The following ARL13B variants were observed in gnomAD, a reference collection of about 807,000 sequenced individuals.
ARL13B encodes ARF like GTPase 13B.
In ARL13B, 36 loss-of-function variants were observed where a neutral mutation model predicts 56.1. The ratio of observed to expected loss-of-function variants is 0.64; its 90% CI spans 0.49 to 0.85. The LOEUF (loss-of-function observed/expected upper bound fraction) is 0.85. Ranked by LOEUF, ARL13B falls within the 40% of genes least tolerant of loss-of-function variation. The pLI is 0.00. For missense variants in ARL13B, 519 were observed against 507.1 expected (o/e 1.02, Z -0.23); for synonymous variants, 178 against 171.1 (o/e 1.04, Z -0.32).
intron 3 of ARL13B, among the ~76,000 whole-genome samples, chr3:94,005,447 C>T (rs563868754): frequency 1.6e-4 from 25 of 152,222 alleles, no homozygotes; most frequent in African/African-American, 5.1e-4. Context: ...TCTGTGGAAA[C>T]GGCTCAAAGT....
chr3:94,014,532 G>A (rs762515612), intron 3 of ARL13B: 4 of 1,612,598 alleles, frequency 2.5e-6, no homozygotes, highest in Non-Finnish European at 3.4e-6. Context: ...TATTGTTGAT[G>A]CTCTCTCCTT....
intron 7 of ARL13B, among the ~76,000 whole-genome samples, chr3:94,044,883 G>A (rs951678011): frequency 6.0e-5 from 9 of 148,982 alleles, no homozygotes; most frequent in African/African-American, 1.5e-4. Flanking sequence ...CCCGCCCCTC[G>A]TCGGGGAGGT....
chr3:94,010,771 A>G (rs1198976424), intron 3 of ARL13B, among the ~76,000 whole-genome samples: 1 of 152,134 alleles, frequency 6.6e-6, no homozygotes, highest in African/African-American at 2.4e-5. Context: ...CTTTAAAAGC[A>G]GTATGTTCTA....
At position 93,987,476 on chromosome 3, in the gene ARL13B, A is replaced by G. The variant is rs183752018; in HGVS notation, c.59+6994A>G. ...CGGCAGATAGCTAAAGTGATGTAAA[A>G]CAGACCTTTGGATCCCTTAATCTCT... On this transcript the variant is annotated intron_variant, in intron 1 of 9. Transcript: ENST00000394222. Among the ~76,000 whole-genome samples, 15 of 152,164 alleles carry G rather than the reference A, an allele frequency of 9.9e-5. 1 individual carries two copies. In the East Asian group the frequency reaches 2.9e-3, roughly 29 times the overall value.
chr3:94,034,332 A>T (rs1007260008), intron 3 of ARL13B, among the ~76,000 whole-genome samples: 12 of 149,930 alleles, frequency 8.0e-5, no homozygotes, highest in Non-Finnish European at 1.3e-4. Context: ...TATGTACTTA[A>T]TTTTTTTTTT....
chr3:94,018,951 C>T (rs1163296284), intron 3 of ARL13B, among the ~76,000 whole-genome samples: 5 of 150,808 alleles, frequency 3.3e-5, no homozygotes, highest in East Asian at 4.0e-4. Flanking sequence ...TTTTTATTAA[C>T]GACAGGGTTT....
intron 1 of ARL13B, among the ~76,000 whole-genome samples, chr3:93,992,821 C>G (rs558385616): frequency 5.9e-5 from 9 of 152,252 alleles, no homozygotes; most frequent in Non-Finnish European, 1.3e-4. Context: ...GAGACAGCAT[C>G]TCACTCTGTT....
chr3:94,036,409 T>A, intron 4 of ARL13B, 143 bp from the exon 5 acceptor site: 1 of 789,240 alleles, frequency 1.3e-6, no homozygotes, highest in Non-Finnish European at 2.1e-6. Context: ...CAGTGCTATG[T>A]TTTGGAAGTT....
intron 7 of ARL13B, among the ~76,000 whole-genome samples, chr3:94,043,545 C>CCCCCT (rs2076904354): frequency 0.014 from 2 of 140 alleles, no homozygotes; most frequent in African/African-American, 0.038. Context: ...CCCTCCCCCT[C>CCCCCT]CTCCCCCTCC....
intron 2 of ARL13B, chr3:93,996,564 G>A: frequency 3.1e-6 from 1 of 320,268 alleles, no homozygotes; most frequent in South Asian, 2.6e-5. Context: ...TTTTGGTAGA[G>A]ATGGGGTCTC....
intron 3 of ARL13B, among the ~76,000 whole-genome samples, chr3:94,030,912 C>T (rs1319557653): frequency 6.6e-6 from 1 of 152,170 alleles, no homozygotes; most frequent in Non-Finnish European, 1.5e-5. Context: ...CACAGTGGCT[C>T]ATGCCTGTAA....
chr3:93,989,041 G>A (rs1377659884), intron 1 of ARL13B: 9 of 244,472 alleles, frequency 3.7e-5, no homozygotes, highest in Non-Finnish European at 5.6e-5. Flanking sequence ...CACTCCTCCC[G>A]CTGCCCGAGC....
chr3:94,019,172 C>G (rs1334327835), intron 3 of ARL13B, among the ~76,000 whole-genome samples: 1 of 152,060 alleles, frequency 6.6e-6, no homozygotes, highest in Non-Finnish European at 1.5e-5. Flanking sequence ...CTTACCATCT[C>G]CCTGGTTCAA....
rs538221197 is a variant in ARL13B, at chr3:94,055,272, T to A, written c.*2009T>A. The A allele has an allele frequency of 3.4e-4, 140 of 416,012 alleles. 1 individual carries two copies. Among genetic ancestry groups the A allele is most frequent in the South Asian group, 2.1e-3 (116 of 55,202 alleles). 25.8% of individuals were successfully genotyped at this position (416,012 alleles called of 1,614,324 possible). A position where few individuals can be genotyped will look rare whatever the true frequency, so the allele number is the denominator to read the frequency against. ...ACATTTTCACACAATAAAAATAATTTATATCAATATTCTGTTTCTCTTTTC... is the reference window on the plus strand; with the variant it reads ...ACATTTTCACACAATAAAAATAATTAATATCAATATTCTGTTTCTCTTTTC... On this transcript the variant is annotated 3_prime_UTR_variant, in exon 10 of 10. Transcript: ENST00000394222.
At chr3:94,003,633 C>CT (rs781077146) in intron 2 of ARL13B, 26 bp from the exon 3 acceptor site, 4 of 1,609,230 alleles carry the variant, frequency 2.5e-6, no homozygotes, top group South Asian at 1.1e-5. Context: ...TAAAGATTTT[C>CT]TTTTTTTGTG....
chr3:94,036,469 T>C, intron 4 of ARL13B, 83 bp from the exon 5 acceptor site: 1 of 1,385,540 alleles, frequency 7.2e-7, no homozygotes, highest in Non-Finnish European at 1.0e-6. Flanking sequence ...AATTTTGATT[T>C]GCCATTAATT....
intron 3 of ARL13B, among the ~76,000 whole-genome samples, chr3:94,005,966 A>G (rs1297591884): frequency 6.6e-6 from 1 of 152,188 alleles, no homozygotes; most frequent in Non-Finnish European, 1.5e-5. Context: ...CTATGCATGT[A>G]TATTTATGAG....
chr3:94,029,345 T>TA (rs2076629541), intron 3 of ARL13B, among the ~76,000 whole-genome samples: 1 of 104,486 alleles, frequency 9.6e-6, no homozygotes, highest in Non-Finnish European at 1.8e-5. Flanking sequence ...TTTATTTTTT[T>TA]TTTATTTTTT....
intron 3 of ARL13B, among the ~76,000 whole-genome samples, chr3:94,029,336 T>A (rs13062240): frequency 0.017 from 785 of 46,832 alleles, 5 homozygotes; most frequent in South Asian, 0.023. Flanking sequence ...ATATATATAT[T>A]TATTTTTTTT....
Sources: gnomAD v4.1 joint callset for allele counts (sites outside exome capture counted in the v4.1 genomes callset) on GRCh38, gnomAD v4.1.1 for gene constraint, MANE v1.5 for transcripts, NCBI Gene and HGNC (gene_info 2026-07-23, HGNC 2026-07-21) for gene names.